The following PCDH15 variants were observed in gnomAD, a reference collection of about 807,000 sequenced individuals.
The protein encoded by PCDH15 is protocadherin-15.
A neutral mutation model predicts 178.5 loss-of-function variants in PCDH15; 129 were observed. That is an observed-to-expected ratio of 0.72 (90% CI 0.63 to 0.84). The LOEUF is 0.84. Ranked by LOEUF, PCDH15 falls within the 40% of genes least tolerant of loss-of-function variation. The pLI, the probability that PCDH15 is intolerant of heterozygous loss-of-function variation, is 0.00. For synonymous variants in PCDH15, 800 were observed against 732.0 expected (o/e 1.09, Z -1.50); for missense variants, 2,230 against 2,099.9 (o/e 1.06, Z -1.21).
intron 23 of PCDH15, among the ~76,000 whole-genome samples, chr10:53,958,881 A>AGG (rs1302546293): frequency 6.9e-6 from 1 of 144,770 alleles, no homozygotes; most frequent in Admixed American, 7.2e-5. Context: ...CGGGAGGCTG[A>AGG]GGCAGGAGAA....
chr10:54,353,370 A>G (rs1456992622), intron 5 of PCDH15, among the ~76,000 whole-genome samples: 3 of 152,320 alleles, frequency 2.0e-5, no homozygotes, highest in African/African-American at 7.2e-5. Context: ...TTGTCTAGTT[A>G]ACATTAACTT....
In PCDH15 at chr10:55,040,494, T is replaced by TACAACG. The variant is rs1554825143; in HGVS notation, c.-80+126081_-80+126082insCGTTGT. ...TGAATCAAAAAAAAACCAAAACAAC[T>TACAACG]ACAACAACAACAACAACAACAACAA... On this transcript the variant is annotated intron_variant, in intron 2 of 5. Coordinates refer to the PCDH15 transcript ENST00000458638. Among the ~76,000 whole-genome samples the TACAACG allele has an allele frequency of 2.0e-5, 3 of 149,728 alleles. No individual in the cohort carries two copies. In the East Asian group the frequency reaches 5.9e-4, roughly 30 times the overall value.
chr10:53,962,822 T>C (rs537876839), intron 21 of PCDH15, among the ~76,000 whole-genome samples: 1 of 152,326 alleles, frequency 6.6e-6, no homozygotes, highest in African/African-American at 2.4e-5. Context: ...TCCTCACTTA[T>C]ATTAGGTTTC....
chr10:54,645,336 G>A (rs998266046), intron 2 of PCDH15, among the ~76,000 whole-genome samples: 2 of 151,624 alleles, frequency 1.3e-5, no homozygotes, highest in Non-Finnish European at 2.9e-5. Flanking sequence ...AGAGAGAAAT[G>A]GTAAATAGAA....
rs113938589 is a variant in PCDH15, at chr10:54,971,022, T to A, written c.-79-73522A>T. 8.2e-3 allele frequency among the ~76,000 whole-genome samples: 1,247 copies of A among 152,216 alleles called. 16 individuals carry two copies. Among genetic ancestry groups the A allele is most frequent in the African/African-American group, 0.028 (1,154 of 41,526 alleles). On this transcript the variant is annotated intron_variant, in intron 2 of 5. Coordinates refer to the PCDH15 transcript ENST00000458638. ...AATTGTGCCTTGAGCCAAACCCATATCTAATTTAGATGAGACTCTAGACTT... is the reference window on the plus strand; with the variant it reads ...AATTGTGCCTTGAGCCAAACCCATAACTAATTTAGATGAGACTCTAGACTT...
intron 3 of PCDH15, among the ~76,000 whole-genome samples, chr10:54,504,906 T>C (rs1181035087): frequency 6.6e-6 from 1 of 152,076 alleles, no homozygotes; most frequent in Non-Finnish European, 1.5e-5. Flanking sequence ...GCTGGGAAAA[T>C]CATTTATAAT....
At chr10:54,242,837 A>G (rs1234679180) in intron 8 of PCDH15, among the ~76,000 whole-genome samples, 1 of 152,212 alleles carries the variant, frequency 6.6e-6, no homozygotes, top group African/African-American at 2.4e-5. Context: ...GTTCTGATAC[A>G]TCCCTGGAAA....
At chr10:55,001,907 A>G (rs963817119) in intron 2 of PCDH15, among the ~76,000 whole-genome samples, 1 of 152,188 alleles carries the variant, frequency 6.6e-6, no homozygotes, top group Admixed American at 6.5e-5. Context: ...TAGCATTATT[A>G]AAATTATGTG....
intron 13 of PCDH15, among the ~76,000 whole-genome samples, chr10:54,172,417 C>T (rs966513696): frequency 3.9e-5 from 6 of 152,042 alleles, no homozygotes; most frequent in East Asian, 3.9e-4. Flanking sequence ...ACTCTCTTTT[C>T]GGACTCAGCC....
chr10:55,480,702 G>A (rs1284188072), intron 2 of PCDH15, among the ~76,000 whole-genome samples: 1 of 151,738 alleles, frequency 6.6e-6, no homozygotes, highest in Non-Finnish European at 1.5e-5. Context: ...TGGTGGATAA[G>A]CTTTTTGATG....
At chr10:54,075,670 G>T (rs1451359090) in intron 17 of PCDH15, among the ~76,000 whole-genome samples, 2 of 152,096 alleles carry the variant, frequency 1.3e-5, no homozygotes, top group African/African-American at 4.8e-5. Flanking sequence ...TTTTGAGTTT[G>T]TTTTTGCATA....
intron 15 of PCDH15, among the ~76,000 whole-genome samples, chr10:54,126,351 A>C (rs1458137892): frequency 6.6e-6 from 1 of 151,864 alleles, no homozygotes; most frequent in Non-Finnish European, 1.5e-5. Flanking sequence ...TCTACATTTC[A>C]AACTCTTTGC....
chr10:54,873,973 TTTA>T (rs1326010982), intron 3 of PCDH15, among the ~76,000 whole-genome samples: 2 of 149,530 alleles, frequency 1.3e-5, no homozygotes, highest in Admixed American at 6.7e-5. Context: ...TATTTATTTA[TTTA>T]TTATTATTAT....
At chr10:55,583,357 A>C (rs1842660863) in intron 2 of PCDH15, among the ~76,000 whole-genome samples, 1 of 152,208 alleles carries the variant, frequency 6.6e-6, no homozygotes, top group Non-Finnish European at 1.5e-5. Context: ...CTTCAATAGA[A>C]TATAACATGA....
chr10:55,239,486 A>T (rs1366077971), intron 1 of PCDH15, among the ~76,000 whole-genome samples: 1 of 152,158 alleles, frequency 6.6e-6, no homozygotes, highest in Admixed American at 6.5e-5. Context: ...GCAAAACTGG[A>T]TATCCACATG....
At chr10:54,210,363 T>G (rs78864303) in intron 10 of PCDH15, among the ~76,000 whole-genome samples, 1 of 152,082 alleles carries the variant, frequency 6.6e-6, no homozygotes, top group Non-Finnish European at 1.5e-5. Context: ...AACAAATGTT[T>G]ATTAAGCAGC....
At chr10:55,182,104 A>C (rs779312616) in intron 1 of PCDH15, among the ~76,000 whole-genome samples, 11 of 151,938 alleles carry the variant, frequency 7.2e-5, no homozygotes, top group Non-Finnish European at 1.5e-4. Flanking sequence ...GGGAGAAAAC[A>C]AGATTCTTGG....
intron 2 of PCDH15, among the ~76,000 whole-genome samples, chr10:54,631,895 C>T (rs951273627): frequency 5.9e-5 from 9 of 152,046 alleles, no homozygotes; most frequent in African/African-American, 1.9e-4. Flanking sequence ...GCGAGAACAG[C>T]ATAGGGGAAA....
chr10:54,605,363 A>T (rs575820114), intron 2 of PCDH15, among the ~76,000 whole-genome samples: 39 of 151,782 alleles, frequency 2.6e-4, no homozygotes, highest in South Asian at 2.5e-3. Flanking sequence ...CGATTTTTTT[A>T]ATTTTGTCTT....
Sources: gnomAD v4.1 joint callset for allele counts (sites outside exome capture counted in the v4.1 genomes callset) on GRCh38, gnomAD v4.1.1 for gene constraint, MANE v1.5 for transcripts, NCBI Gene and HGNC (gene_info 2026-07-23, HGNC 2026-07-21) for gene names.